Variants in ATP8B4 observed in about 807,000 individuals in gnomAD.
The protein encoded by ATP8B4 is ATPase phospholipid transporting 8B4 (putative), also known as probable phospholipid-transporting ATPase IM.
In ATP8B4, 133 loss-of-function variants were observed where a neutral mutation model predicts 145.6. The ratio of observed to expected loss-of-function variants is 0.91; its 90% CI spans 0.79 to 1.05. The LOEUF (loss-of-function observed/expected upper bound fraction) is 1.05, where lower values mean the gene tolerates loss of function less well. ATP8B4 is among the 50% of genes least tolerant of loss of function. ATP8B4 has a pLI of 0.00. For synonymous variants in ATP8B4, 507 were observed against 492.9 expected (o/e 1.03, Z -0.38); for missense variants, 1,458 against 1,425.2 (o/e 1.02, Z -0.37).
chr15:49,917,920 A>G (rs1362892386), intron 19 of ATP8B4, among the ~76,000 whole-genome samples: 1 of 152,164 alleles, frequency 6.6e-6, no homozygotes, highest in African/African-American at 2.4e-5. Context: ...CAAACTCTAG[A>G]GAGTTTCTAC....
intron 3 of ATP8B4, among the ~76,000 whole-genome samples, chr15:50,072,033 T>C (rs992308933): frequency 6.6e-6 from 1 of 150,510 alleles, no homozygotes; most frequent in East Asian, 1.9e-4. Flanking sequence ...TAAATATTAA[T>C]AAATATTAAT....
intron 3 of ATP8B4, among the ~76,000 whole-genome samples, chr15:50,054,733 G>C: frequency 7.1e-6 from 1 of 140,478 alleles, no homozygotes; most frequent in East Asian, 2.2e-4. Flanking sequence ...GCAGTGAGCC[G>C]AGATCGTGCC....
intron 2 of ATP8B4, among the ~76,000 whole-genome samples, chr15:50,090,241 G>A (rs866685340): frequency 3.9e-5 from 6 of 152,196 alleles, no homozygotes; most frequent in South Asian, 2.1e-4. Context: ...GGAGAGCATC[G>A]GGAAAAATAG....
chr15:49,947,889 C>CAACA (rs3076067), intron 14 of ATP8B4, among the ~76,000 whole-genome samples: 57,171 of 151,534 alleles, frequency 0.38, 11,342 homozygotes, highest in African/African-American at 0.42. Flanking sequence ...ATAGTCTTTT[C>CAACA]AACAGAGTGA....
intron 3 of ATP8B4, among the ~76,000 whole-genome samples, chr15:50,066,488 T>C (rs999719236): frequency 1.3e-4 from 20 of 152,304 alleles, no homozygotes; most frequent in Middle Eastern, 3.4e-3. Flanking sequence ...GGTGAGGATC[T>C]GCATCATGTG....
intron 20 of ATP8B4, among the ~76,000 whole-genome samples, chr15:49,910,292 AAC>A (rs2039095555): frequency 7.8e-6 from 1 of 128,774 alleles, no homozygotes; most frequent in Non-Finnish European, 1.8e-5. Flanking sequence ...AAATAACCCA[AAC>A]AAAAGTAAAA....
intron 25 of ATP8B4, among the ~76,000 whole-genome samples, chr15:49,875,650 T>G (rs1460261145): frequency 2.0e-5 from 3 of 152,288 alleles, no homozygotes; most frequent in Admixed American, 6.5e-5. Context: ...TTGGGCAACA[T>G]AGCAAGGCCT....
chr15:50,163,755 C>T (rs1393262240), intron 1 of ATP8B4, among the ~76,000 whole-genome samples: 2 of 152,238 alleles, frequency 1.3e-5, no homozygotes, highest in African/African-American at 4.8e-5. Context: ...GGTCAAGATG[C>T]TGTTCAGGAA....
At position 49,985,024 on chromosome 15, in the gene ATP8B4, T is replaced by C. The variant is rs147691149; in HGVS notation, c.748+2367A>G. 2.8e-4 allele frequency among the ~76,000 whole-genome samples: 43 copies of C among 152,332 alleles called. 1 individual carries two copies. In the East Asian group the frequency reaches 7.7e-3, roughly 27 times the overall value. On this transcript the variant is annotated intron_variant, in intron 10 of 27. Transcript: ENST00000284509. ...AAGCAAATCATATCTGTGTCATCTA[T>C]ATTCATTGCACAATTCCTAGTGGTA... is the stretch of plus-strand genomic sequence containing the variant.
At chr15:50,105,219 A>G (rs1033966878) in intron 2 of ATP8B4, among the ~76,000 whole-genome samples, 13 of 149,580 alleles carry the variant, frequency 8.7e-5, no homozygotes, top group Non-Finnish European at 4.4e-5. Flanking sequence ...TCATGTAACC[A>G]AACACTACCT....
intron 1 of ATP8B4, among the ~76,000 whole-genome samples, chr15:50,168,115 A>G (rs182345020): frequency 2.3e-4 from 35 of 152,362 alleles, no homozygotes; most frequent in Admixed American, 2.0e-3. Flanking sequence ...AAAAGATATT[A>G]CAAGAGAAGG....
At chr15:49,888,115 C>T (rs962094834) in intron 23 of ATP8B4, among the ~76,000 whole-genome samples, 22 of 152,182 alleles carry the variant, frequency 1.4e-4, no homozygotes, top group African/African-American at 4.8e-4. Context: ...AGCCTCAGCA[C>T]ATCTGTTATT....
chr15:50,117,567 C>T (rs2057191990), intron 1 of ATP8B4, among the ~76,000 whole-genome samples: 1 of 151,994 alleles, frequency 6.6e-6, no homozygotes, highest in Admixed American at 6.5e-5. Context: ...TATAAAGGCA[C>T]AATATAGGTT....
intron 2 of ATP8B4, among the ~76,000 whole-genome samples, chr15:50,097,697 C>T (rs967214175): frequency 6.6e-6 from 1 of 152,102 alleles, no homozygotes; most frequent in African/African-American, 2.4e-5. Flanking sequence ...TACAAGTCAC[C>T]TCAGTAAATA....
chr15:49,868,261 G>A (rs1466048942), intron 25 of ATP8B4, among the ~76,000 whole-genome samples: 2 of 152,120 alleles, frequency 1.3e-5, no homozygotes, highest in East Asian at 3.9e-4. Context: ...ACACAAAATT[G>A]TTGAAACAAC....
At chr15:50,038,518 G>A (rs1291320024) in intron 6 of ATP8B4, among the ~76,000 whole-genome samples, 1 of 152,144 alleles carries the variant, frequency 6.6e-6, no homozygotes, top group African/African-American at 2.4e-5. Flanking sequence ...AATGGAAAGT[G>A]ACAAAGATGT....
intron 3 of ATP8B4, among the ~76,000 whole-genome samples, chr15:50,049,551 T>C (rs893468051): frequency 6.6e-6 from 1 of 152,252 alleles, no homozygotes; most frequent in African/African-American, 2.4e-5. Flanking sequence ...CAGTCCACCA[T>C]TGATGGGCAT....
chr15:50,115,805 C>T (rs772070789), intron 1 of ATP8B4, among the ~76,000 whole-genome samples: 30 of 152,264 alleles, frequency 2.0e-4, no homozygotes, highest in Non-Finnish European at 3.5e-4. Context: ...CAAAACTCTA[C>T]GAGCAGGAAT....
chr15:50,086,919 T>G (rs1234353108), intron 2 of ATP8B4, among the ~76,000 whole-genome samples: 2 of 98,728 alleles, frequency 2.0e-5, no homozygotes, highest in African/African-American at 8.8e-5. Context: ...TTATTATATA[T>G]AATAAAATAA....
Sources: allele counts gnomAD v4.1 joint callset (sites outside exome capture counted in the v4.1 genomes callset), GRCh38; gene constraint gnomAD v4.1.1; transcripts MANE v1.5; gene names NCBI Gene and HGNC (gene_info 2026-07-23, HGNC 2026-07-21).